Variants in UBA6 observed in about 807,000 individuals in gnomAD.
UBA6 encodes the protein ubiquitin-like modifier-activating enzyme 6.
A neutral mutation model predicts 148.3 loss-of-function variants in UBA6; 87 were observed. The observed-to-expected ratio is 0.59, with a 90% CI of 0.49 to 0.70. UBA6 has a LOEUF of 0.70. UBA6 is among the 30% of genes least tolerant of loss of function. The pLI, the probability that UBA6 is intolerant of heterozygous loss-of-function variation, is 0.00. For missense variants in UBA6, 1,186 were observed against 1,241.2 expected, an observed-to-expected ratio of 0.96 and a Z score of 0.67; for synonymous variants, 376 against 401.0, an observed-to-expected ratio of 0.94 and a Z score of 0.75.
intron 2 of UBA6, among the ~76,000 whole-genome samples, chr4:67,688,495 T>C (rs1577840488): frequency 6.6e-6 from 1 of 152,076 alleles, no homozygotes; most frequent in South Asian, 2.1e-4. Context: ...AGAGACAGAA[T>C]GCAGAATACT....
chr4:67,675,089 C>T (rs762346371), intron 6 of UBA6, among the ~76,000 whole-genome samples: 5 of 152,144 alleles, frequency 3.3e-5, no homozygotes, highest in Non-Finnish European at 5.9e-5. Flanking sequence ...AGGCTGGTCT[C>T]GAACTCCTGA....
chr4:67,627,312 T>C (rs1728889936), intron 27 of UBA6, among the ~76,000 whole-genome samples: 1 of 151,974 alleles, frequency 6.6e-6, no homozygotes, highest in African/African-American at 2.4e-5. Context: ...CTAGTTGATA[T>C]TTTTGGCTGT....
intron 18 of UBA6, among the ~76,000 whole-genome samples, chr4:67,640,146 T>C (rs1037530888): frequency 2.6e-5 from 4 of 152,226 alleles, no homozygotes; most frequent in African/African-American, 9.6e-5. Flanking sequence ...TCTTCTCACA[T>C]TCTTAGGCTG....
chr4:67,681,306 G>A (rs1302559828), intron 4 of UBA6, among the ~76,000 whole-genome samples: 1 of 152,156 alleles, frequency 6.6e-6, no homozygotes, highest in Non-Finnish European at 1.5e-5. Flanking sequence ...TAATTTGGCA[G>A]TTGGGGGCAA....
At chr4:67,695,947 C>G (rs1730821492) in intron 2 of UBA6, among the ~76,000 whole-genome samples, 1 of 152,024 alleles carries the variant, frequency 6.6e-6, no homozygotes, top group Non-Finnish European at 1.5e-5. Context: ...TTTAAAAAGT[C>G]TCATCAAATT....
chr4:67,694,213 C>T lies in UBA6; in HGVS notation c.134+2432G>A, dbSNP rs13116356. 5.7e-4 allele frequency among the ~76,000 whole-genome samples: 16 copies of T among 27,996 alleles called. 1 individual carries two copies. Among genetic ancestry groups the T allele is most frequent in the African/African-American group, 2.4e-3 (16 of 6,648 alleles). 18.4% of individuals were successfully genotyped at this position (27,996 alleles called of 152,430 possible). A position where few individuals can be genotyped will look rare whatever the true frequency, so the allele number is the denominator to read the frequency against. ...CCTGGATGACAGAGCAAGACTCCATCTCAAAAAAAAAAAAAAAAAAAAAAA... is the reference window on the plus strand; with the variant it reads ...CCTGGATGACAGAGCAAGACTCCATTTCAAAAAAAAAAAAAAAAAAAAAAA... On this transcript the variant is annotated intron_variant, in intron 2 of 32. Transcript: ENST00000322244.
intron 25 of UBA6, among the ~76,000 whole-genome samples, chr4:67,630,739 C>G (rs942455420): frequency 6.6e-6 from 1 of 151,758 alleles, no homozygotes; most frequent in African/African-American, 2.4e-5. Flanking sequence ...AAACATCAAA[C>G]AGTTATTCTC....
At chr4:67,633,499 C>A (rs748894892) in intron 22 of UBA6, 26 bp from the exon 23 acceptor site, 8 of 1,555,606 alleles carry the variant, frequency 5.1e-6, no homozygotes, top group South Asian at 1.2e-5. Flanking sequence ...AAAAAAAAAT[C>A]AACATACTTC....
Position 67,664,820 on chromosome 4 carries a change from C to T in UBA6, c.897+369G>A, listed in dbSNP as rs1729950986. Among the ~76,000 whole-genome samples the T allele has an allele frequency of 2.0e-5, 3 of 152,008 alleles. No homozygotes were observed. The South Asian group carries it at 6.2e-4, about 31-fold the overall frequency. On this transcript the variant is annotated intron_variant, in intron 10 of 32. Coordinates refer to ENST00000322244, the MANE Select transcript of UBA6 (RefSeq NM_018227.6). The stretch of plus-strand genomic sequence containing the variant: ...ATTAAATAATAATAAAGCAAAACAA[C>T]TCTTGCTAAATCTTGAAAATACATT...
intron 2 of UBA6, among the ~76,000 whole-genome samples, chr4:67,688,632 GA>G (rs1730625468): frequency 6.6e-6 from 1 of 152,110 alleles, no homozygotes; most frequent in Admixed American, 6.5e-5. Context: ...AGTAAACTAT[GA>G]GGTGGCTTAA....
Position 67,626,491 on chromosome 4 carries a change from A to C in UBA6, c.2401-14T>G. The C allele has an allele frequency of 2.8e-6, 4 of 1,452,772 alleles. No individual in the cohort carries two copies. The highest frequency in any genetic ancestry group is 3.8e-6 in the Non-Finnish European group (4 of 1,049,132). 90.0% of individuals were successfully genotyped at this position (1,452,772 alleles called of 1,614,324 possible). On this transcript the variant is annotated splice_polypyrimidine_tract_variant and intron_variant, in intron 27 of 32. Transcript: ENST00000322244. ...TGTTTGAACAACCTTTGAATATATG[A>C]ATATATTTTTATTAATGTTATCATT...
chr4:67,624,028 A>C, intron 30 of UBA6, 98 bp downstream of exon 30: 1 of 1,069,760 alleles, frequency 9.3e-7, no homozygotes, highest in Non-Finnish European at 1.3e-6. Flanking sequence ...CATACACAAT[A>C]GAAGAAAAAA....
chr4:67,691,711 G>C (rs1371194858), intron 2 of UBA6, among the ~76,000 whole-genome samples: 1 of 151,916 alleles, frequency 6.6e-6, no homozygotes, highest in Admixed American at 6.6e-5. Context: ...AAGTTGAATT[G>C]CTTGATTATG....
chr4:67,619,256 G>A, intron 32 of UBA6, 124 bp from the exon 33 acceptor site: 1 of 681,136 alleles, frequency 1.5e-6, no homozygotes, highest in South Asian at 2.0e-5. Context: ...ATAATAATCT[G>A]CTTTCACATA....
intron 9 of UBA6, 83 bp downstream of exon 9, chr4:67,668,468 G>A: frequency 7.7e-7 from 1 of 1,306,918 alleles, no homozygotes. Context: ...TCTCTGAGTT[G>A]ACATTCTGTT....
rs186826638 is a variant in UBA6, at chr4:67,649,663, A to G, written c.1105-452T>C. ...TGATAAGCTATCAGTTTGTGTTGAA[A>G]GTTGTAAATAAAAACTGCAATTAAT... On this transcript the variant is annotated intron_variant, in intron 13 of 32. Transcript: ENST00000322244. Among the ~76,000 whole-genome samples, 390 of 152,326 alleles carry G rather than the reference A, an allele frequency of 2.6e-3. 6 individuals are homozygous for G. The highest frequency in any genetic ancestry group is 8.9e-3 in the African/African-American group (370 of 41,578).
At chr4:67,700,022 C>T (rs1730939825) in intron 1 of UBA6, among the ~76,000 whole-genome samples, 1 of 152,202 alleles carries the variant, frequency 6.6e-6, no homozygotes, top group African/African-American at 2.4e-5. Context: ...AAAACGAGAA[C>T]AGCTGCAGTC....
chr4:67,684,811 A>C (rs1410849112), intron 2 of UBA6, among the ~76,000 whole-genome samples: 1 of 152,178 alleles, frequency 6.6e-6, no homozygotes, highest in Non-Finnish European at 1.5e-5. Flanking sequence ...TGTGCCTGGC[A>C]TGTAATAATA....
chr4:67,700,271 A>C (rs1183342734), intron 1 of UBA6, among the ~76,000 whole-genome samples: 1 of 152,246 alleles, frequency 6.6e-6, no homozygotes, highest in African/African-American at 2.4e-5. Flanking sequence ...CTACAGGTTT[A>C]CAAAGTCTCA....
Sources: gnomAD v4.1 joint callset for allele counts (sites outside exome capture counted in the v4.1 genomes callset) on GRCh38, gnomAD v4.1.1 for gene constraint, MANE v1.5 for transcripts, NCBI Gene and HGNC (gene_info 2026-07-23, HGNC 2026-07-21) for gene names.